Variants in PGBD2 observed in about 807,000 individuals in gnomAD.
PGBD2 encodes the protein piggyBac transposable element-derived protein 2.
In PGBD2, 6 loss-of-function variants were observed where a neutral mutation model predicts 8.1. The observed-to-expected ratio is 0.74, with a 90% CI of 0.40 to 1.46. The LOEUF is 1.46. PGBD2 is among the 40% of genes most tolerant of loss of function. PGBD2 has a pLI of 0.02. For synonymous variants in PGBD2, 318 were observed against 272.2 expected, an observed-to-expected ratio of 1.17 and a Z score of -1.66; for missense variants, 802 against 739.0, an observed-to-expected ratio of 1.09 and a Z score of -0.99.
intron 1 of PGBD2, among the ~76,000 whole-genome samples, chr1:248,908,929 T>C (rs1572272133): frequency 6.6e-6 from 1 of 152,160 alleles, no homozygotes; most frequent in East Asian, 1.9e-4. Flanking sequence ...GGAGATATTC[T>C]CTGACCTCCC....
chr1:248,907,428 A>C (rs1223145195), intron 1 of PGBD2, among the ~76,000 whole-genome samples: 1 of 152,204 alleles, frequency 6.6e-6, no homozygotes, highest in African/African-American at 2.4e-5. Context: ...GCCTTCATCT[A>C]TCTCAACTGC....
At chr1:248,902,574 C>G (rs1373461784), upstream of PGBD2, among the ~76,000 whole-genome samples, 3 of 152,178 alleles carry the variant, frequency 2.0e-5, no homozygotes, top group South Asian at 2.1e-4. Context: ...CTACTCACAA[C>G]AGCTAAGACA....
the PGBD2 span, among the ~76,000 whole-genome samples, chr1:248,929,726 A>T: frequency 1.3e-5 from 2 of 152,204 alleles, no homozygotes; most frequent in African/African-American, 4.8e-5. Flanking sequence ...TAACCTGCAA[A>T]TCATAGCGAG....
chr1:248,915,811 T>C (rs1190612370), intron 2 of PGBD2, among the ~76,000 whole-genome samples: 1 of 152,090 alleles, frequency 6.6e-6, no homozygotes, highest in African/African-American at 2.4e-5. Flanking sequence ...AGAGTTCAAG[T>C]TGGGAGAGTT....
In PGBD2 at chr1:248,918,413, T is replaced by C; in HGVS notation, c.*50T>C. 6.7e-7 allele frequency: 1 copy of C among 1,494,576 alleles called. No individual in the cohort carries two copies. Among genetic ancestry groups the C allele is most frequent in the South Asian group, 1.4e-5 (1 of 73,704 alleles). 92.6% of individuals were successfully genotyped at this position (1,494,576 alleles called of 1,614,324 possible). A position where few individuals can be genotyped will look rare whatever the true frequency, so the allele number is the denominator to read the frequency against. On this transcript the variant is annotated 3_prime_UTR_variant, in exon 3 of 3. Transcript: ENST00000329291. ...TTATAATGAGATGTTTACAGTTAAA[T>C]ACAGATGGCAGTTGAGCACTTCTGT...
the PGBD2 span, among the ~76,000 whole-genome samples, chr1:248,926,986 A>G: frequency 3.3e-5 from 5 of 152,188 alleles, no homozygotes; most frequent in African/African-American, 9.7e-5. Flanking sequence ...TGGTTAGTGG[A>G]GACAATGATA....
At chr1:248,907,777 G>A (rs982527790) in intron 1 of PGBD2, among the ~76,000 whole-genome samples, 1 of 152,132 alleles carries the variant, frequency 6.6e-6, no homozygotes, top group Non-Finnish European at 1.5e-5. Context: ...AAAGAGGTTG[G>A]GGCAAAGTTA....
chr1:248,888,416 G>T, the PGBD2 span, among the ~76,000 whole-genome samples: 2 of 152,004 alleles, frequency 1.3e-5, no homozygotes, highest in African/African-American at 4.8e-5. Flanking sequence ...CTGTTATATT[G>T]TTACTTTTTA....
At chr1:248,922,537 T>C (rs1662308338), downstream of PGBD2, among the ~76,000 whole-genome samples, 1 of 152,306 alleles carries the variant, frequency 6.6e-6, no homozygotes, top group South Asian at 2.1e-4. Context: ...CTTGTGCCAG[T>C]TTTCAAAGGG....
At chr1:248,921,294 A>G (rs1019127968), downstream of PGBD2, among the ~76,000 whole-genome samples, 1 of 152,086 alleles carries the variant, frequency 6.6e-6, no homozygotes, top group African/African-American at 2.4e-5. Context: ...TAAGTCTTTG[A>G]TCCATCTTGA....
Position 248,918,471 on chromosome 1 carries a change from G to A in PGBD2, c.*108G>A, listed in dbSNP as rs1451289512. The A allele has an allele frequency of 2.6e-6, 3 of 1,145,848 alleles. No individual in the cohort carries two copies. Among genetic ancestry groups the A allele is most frequent in the Admixed American group, 3.3e-5 (1 of 30,358 alleles). 71.0% of individuals were successfully genotyped at this position (1,145,848 alleles called of 1,614,324 possible). On this transcript the variant is annotated 3_prime_UTR_variant, in exon 3 of 3. Coordinates refer to ENST00000329291, the MANE Select transcript of PGBD2 (RefSeq NM_170725.3). The stretch of plus-strand genomic sequence containing the variant: ...TGGAAAAAAGACCTGAATTTCTAAT[G>A]ACTTGATTTTCTATTTTCTCCCTAC...
chr1:248,912,217 T>C (rs192479362), intron 1 of PGBD2, among the ~76,000 whole-genome samples: 48 of 152,320 alleles, frequency 3.2e-4, no homozygotes, highest in African/African-American at 1.1e-3. Flanking sequence ...TAAACAGGGA[T>C]GCTTCCTGAC....
rs1485007293 is a variant in PGBD2 at position 248,917,966 on chromosome 1, G to A, written c.1382G>A (p.Gly461Asp). The part of the protein sequence containing the change: ...SLVKLYQEKV[G>D]GVGRMDQNIA... ...GTGAAGCTGTATCAGGAGAAGGTGG[G>A]TGGCGTTGGTAGGATGGATCAGAAT... is the stretch of plus-strand genomic sequence containing the variant. Residue 461 changes from glycine (G) to aspartate (D), a missense_variant, in exon 3 of 3, where the codon GGT becomes GAT. Gly to Asp is a moderately conservative substitution (Grantham distance 94, BLOSUM62 -1). Transcript: ENST00000329291. The A allele has an allele frequency of 6.2e-7, 1 of 1,614,216 alleles. No homozygotes were observed. Among genetic ancestry groups the A allele is most frequent in the Non-Finnish European group, 8.5e-7 (1 of 1,180,036 alleles).
At chr1:248,898,219 C>G in the PGBD2 span, among the ~76,000 whole-genome samples, 1 of 152,174 alleles carries the variant, frequency 6.6e-6, no homozygotes, top group African/African-American at 2.4e-5. Context: ...ACCAACTCCA[C>G]CAAGGGGCAG....
chr1:248,917,945 A>G lies in PGBD2; in HGVS notation c.1361A>G (p.Lys454Arg), dbSNP rs1407536047. Reference protein sequence around the residue: ...RTQVHQPSLVKLYQEKVGGVG... With the variant: ...RTQVHQPSLVRLYQEKVGGVG... ...CAGGTCCACCAGCCATCACTGGTGA[A>G]GCTGTATCAGGAGAAGGTGGGTGGC... Residue 454 changes from lysine to arginine, a missense_variant, in exon 3 of 3, where the codon AAG becomes AGG. Transcript: ENST00000329291. 6.2e-7 allele frequency: 1 copy of G among 1,614,226 alleles called. No homozygotes were observed. The highest frequency in any genetic ancestry group is 1.1e-5 in the South Asian group (1 of 91,080).
the PGBD2 span, among the ~76,000 whole-genome samples, chr1:248,879,600 A>G: frequency 6.4e-4 from 97 of 151,956 alleles, no homozygotes; most frequent in African/African-American, 2.2e-3. Flanking sequence ...GGGTCTTGCT[A>G]TGTTGCCCAG....
chr1:248,912,719 G>T (rs1409144588), intron 1 of PGBD2: 1 of 151,270 alleles, frequency 6.6e-6, no homozygotes, highest in Non-Finnish European at 1.5e-5. Flanking sequence ...GAATTTGCAT[G>T]TCCTCTTTGT....
Position 248,906,975 on chromosome 1 carries a change from G to T in PGBD2, c.-48+633G>T, listed in dbSNP as rs562920326. Among the ~76,000 whole-genome samples, 9 of 152,244 alleles carry T rather than the reference G, an allele frequency of 5.9e-5. No individual in the cohort carries two copies. In the South Asian group the frequency reaches 1.9e-3, roughly 32 times the overall value. ...ATCTTGTCAGGTGGGAGGAGAGACTGAGAAAAGAAATAAGACACAGAGACA... is the reference window on the plus strand; with the variant it reads ...ATCTTGTCAGGTGGGAGGAGAGACTTAGAAAAGAAATAAGACACAGAGACA... On this transcript the variant is annotated intron_variant, in intron 1 of 2. Coordinates refer to ENST00000329291, the MANE Select transcript of PGBD2 (RefSeq NM_170725.3).
At chr1:248,928,112 C>T in the PGBD2 span, among the ~76,000 whole-genome samples, 2 of 152,062 alleles carry the variant, frequency 1.3e-5, no homozygotes, top group African/African-American at 2.4e-5. Context: ...ATTCCCTTTC[C>T]CTGCTTTTTT....
Sources: allele counts gnomAD v4.1 joint callset (sites outside exome capture counted in the v4.1 genomes callset), GRCh38; gene constraint gnomAD v4.1.1; transcripts MANE v1.5; gene names NCBI Gene and HGNC (gene_info 2026-07-23, HGNC 2026-07-21).